Variants in KIAA1217 observed in about 807,000 individuals in gnomAD.
KIAA1217 encodes the protein KIAA1217, also known as sickle tail protein homolog.
A neutral mutation model predicts 163.9 loss-of-function variants in KIAA1217; 88 were observed. The ratio of observed to expected loss-of-function variants is 0.54; its 90% confidence interval spans 0.45 to 0.64. The LOEUF (loss-of-function observed/expected upper bound fraction) is 0.64. Ranked by LOEUF, KIAA1217 falls within the 30% of genes least tolerant of loss-of-function variation. KIAA1217 has a pLI of 0.00. For missense variants in KIAA1217, 2,372 were observed against 2,475.0 expected (o/e 0.96, Z 0.88); for synonymous variants, 903 against 923.1 (o/e 0.98, Z 0.39).
intron 2 of KIAA1217, among the ~76,000 whole-genome samples, chr10:24,039,262 T>C (rs1848526501): frequency 6.6e-6 from 1 of 152,018 alleles, no homozygotes; most frequent in Non-Finnish European, 1.5e-5. Context: ...GACATCTATG[T>C]CATACATATG....
intron 1 of KIAA1217, among the ~76,000 whole-genome samples, chr10:23,798,889 A>T (rs781042408): frequency 4.6e-5 from 7 of 152,246 alleles, no homozygotes; most frequent in Non-Finnish European, 1.0e-4. Flanking sequence ...TTTGGGCTGC[A>T]TGACAAAGTA....
intron 1 of KIAA1217, among the ~76,000 whole-genome samples, chr10:23,766,036 A>G (rs1279448761): frequency 6.6e-6 from 1 of 152,232 alleles, no homozygotes; most frequent in Non-Finnish European, 1.5e-5. Context: ...TGCAGGCAAA[A>G]CTGTGGCTAA....
chr10:24,454,453 C>T lies in KIAA1217; in HGVS notation c.846+15974C>T, dbSNP rs150281577. Among the ~76,000 whole-genome samples the T allele has an allele frequency of 2.0e-3, 309 of 152,316 alleles. 1 individual carries two copies. The highest frequency in any genetic ancestry group is 0.01 in the Middle Eastern group (3 of 294). ...CACTCTTTGAAACTGTTCCTTTTCACGCACCCTTGATAGAGTAGGAAGAGT... is the reference window on the plus strand; with the variant it reads ...CACTCTTTGAAACTGTTCCTTTTCATGCACCCTTGATAGAGTAGGAAGAGT... On this transcript the variant is annotated intron_variant, in intron 5 of 20. Transcript: ENST00000376454.
intron 1 of KIAA1217, among the ~76,000 whole-genome samples, chr10:23,754,439 A>T (rs1017671805): frequency 6.6e-6 from 1 of 152,222 alleles, no homozygotes; most frequent in African/African-American, 2.4e-5. Flanking sequence ...AGAGTTTTAC[A>T]GGCTCTGCCC....
chr10:24,333,471 G>A (rs906847736), intron 2 of KIAA1217, among the ~76,000 whole-genome samples: 4 of 152,144 alleles, frequency 2.6e-5, no homozygotes, highest in Non-Finnish European at 5.9e-5. Flanking sequence ...TATGTGTGCA[G>A]GTTTGTTGCC....
At chr10:23,987,164 T>G (rs1435617628) in intron 1 of KIAA1217, among the ~76,000 whole-genome samples, 1 of 151,764 alleles carries the variant, frequency 6.6e-6, no homozygotes. Flanking sequence ...TATCACGAGG[T>G]CAGGAGATCG....
At position 24,543,071 on chromosome 10, in the gene KIAA1217, T is replaced by C. The variant is rs1237207970; in HGVS notation, c.3801T>C (p.Ser1267=). 7 of 1,612,484 alleles carry C rather than the reference T, an allele frequency of 4.3e-6. No homozygotes were observed. The South Asian group carries it at 7.7e-5, about 18-fold the overall frequency. Residue 1267 remains serine (S), a synonymous_variant, in exon 19 of 21, where the codon AGT becomes AGC. Coordinates refer to ENST00000376454, the MANE Select transcript of KIAA1217 (RefSeq NM_019590.5). ...CCCAGGAAACTGTGCCTAAGGCCAGTTTCGGTTTCTCTGGCATTAGTCCAT... is the reference window on the plus strand; with the variant it reads ...CCCAGGAAACTGTGCCTAAGGCCAGCTTCGGTTTCTCTGGCATTAGTCCAT... The part of the protein sequence containing the change: ...NYSQETVPKA[S]FGFSGISPLE...
chr10:24,265,902 G>C (rs559058057), intron 2 of KIAA1217, among the ~76,000 whole-genome samples: 11 of 152,218 alleles, frequency 7.2e-5, no homozygotes, highest in African/African-American at 2.4e-4. Flanking sequence ...AGCGAAGTCT[G>C]AGTAAGTAAA....
At chr10:23,950,828 G>C (rs927819376) in intron 1 of KIAA1217, among the ~76,000 whole-genome samples, 5 of 152,074 alleles carry the variant, frequency 3.3e-5, no homozygotes, top group Admixed American at 3.3e-4. Context: ...CTCCATGAGG[G>C]CTCAGATTGT....
intron 1 of KIAA1217, among the ~76,000 whole-genome samples, chr10:23,765,913 A>G (rs1459738429): frequency 6.6e-6 from 1 of 152,154 alleles, no homozygotes; most frequent in Admixed American, 6.5e-5. Context: ...AAAAGCATTA[A>G]CTTGCTATAC....
intron 1 of KIAA1217, among the ~76,000 whole-genome samples, chr10:23,722,100 A>T (rs1156988031): frequency 6.6e-6 from 1 of 152,212 alleles, no homozygotes; most frequent in African/African-American, 2.4e-5. Flanking sequence ...CAGAAAGACA[A>T]ATACTGTATG....
chr10:23,731,648 A>G (rs892524700), intron 1 of KIAA1217, among the ~76,000 whole-genome samples: 1 of 152,154 alleles, frequency 6.6e-6, no homozygotes, highest in African/African-American at 2.4e-5. Flanking sequence ...ATCATTTTTG[A>G]GAACTCAGTT....
chr10:24,406,603 T>G (rs937964041), intron 3 of KIAA1217, among the ~76,000 whole-genome samples: 1 of 152,254 alleles, frequency 6.6e-6, no homozygotes, highest in South Asian at 2.1e-4. Context: ...GGAGTACTTT[T>G]ATCTTACCTG....
chr10:24,384,567 C>T (rs565037919), intron 3 of KIAA1217, among the ~76,000 whole-genome samples: 1 of 152,282 alleles, frequency 6.6e-6, no homozygotes, highest in South Asian at 2.1e-4. Context: ...ACCCAGCTGG[C>T]TCAGTGTCGC....
chr10:24,430,018 C>T (rs962090437), intron 3 of KIAA1217, among the ~76,000 whole-genome samples: 2 of 152,140 alleles, frequency 1.3e-5, no homozygotes, highest in Admixed American at 6.5e-5. Flanking sequence ...TAGTGGTTCT[C>T]TCCTATGGTC....
At chr10:24,006,606 C>T (rs926709772) in intron 1 of KIAA1217, among the ~76,000 whole-genome samples, 2 of 152,148 alleles carry the variant, frequency 1.3e-5, no homozygotes, top group East Asian at 1.9e-4. Flanking sequence ...TGCCTCTCAG[C>T]ATCATCCATA....
chr10:24,035,466 A>G (rs1390426647), intron 2 of KIAA1217, among the ~76,000 whole-genome samples: 1 of 152,196 alleles, frequency 6.6e-6, no homozygotes, highest in Admixed American at 6.5e-5. Flanking sequence ...AAGATTGGAA[A>G]GCAGATAGAA....
At chr10:23,955,429 A>G (rs2131363089) in intron 1 of KIAA1217, among the ~76,000 whole-genome samples, 1 of 152,294 alleles carries the variant, frequency 6.6e-6, no homozygotes, top group East Asian at 1.9e-4. Flanking sequence ...TGGAGCATTG[A>G]CCCAGCTATG....
chr10:23,734,495 G>C (rs117135722), intron 1 of KIAA1217, among the ~76,000 whole-genome samples: 78 of 151,594 alleles, frequency 5.1e-4, no homozygotes, highest in Non-Finnish European at 1.0e-3. Flanking sequence ...CACCAGGTTG[G>C]CAAGGCTGAT....
Sources: gnomAD v4.1 joint callset for allele counts (sites outside exome capture counted in the v4.1 genomes callset) on GRCh38, gnomAD v4.1.1 for gene constraint, MANE v1.5 for transcripts, NCBI Gene and HGNC (gene_info 2026-07-23, HGNC 2026-07-21) for gene names.